SPEN: variants seen among roughly 807,000 people sequenced by gnomAD.
The protein encoded by SPEN is spen family transcriptional repressor.
A neutral mutation model predicts 269.9 loss-of-function variants in SPEN; 18 were observed. That is an observed-to-expected ratio of 0.07 (90% CI 0.05 to 0.10). SPEN has a LOEUF of 0.10. SPEN is among the 10% of genes least tolerant of loss of function. The pLI, the probability that SPEN is intolerant of heterozygous loss-of-function variation, is 1.00. For missense variants in SPEN, 3,822 were observed against 4,631.2 expected (o/e 0.83, Z 5.07); for synonymous variants, 1,726 against 1,765.7 (o/e 0.98, Z 0.56).
At chr1:15,910,712 A>ACATATAT (rs1250570480) in intron 4 of SPEN, among the ~76,000 whole-genome samples, 1 of 151,750 alleles carries the variant, frequency 6.6e-6, no homozygotes, top group Non-Finnish European at 1.5e-5. Flanking sequence ...ATATATCTAT[A>ACATATAT]ATATATAAGG....
At chr1:15,879,675 A>T (rs912022106) in intron 3 of SPEN, among the ~76,000 whole-genome samples, 2 of 147,912 alleles carry the variant, frequency 1.4e-5, no homozygotes, top group African/African-American at 2.5e-5. Context: ...CAGCAGACAA[A>T]TTTTTTTTTT....
At chr1:15,938,031 C>CA in intron 13 of SPEN, 25 bp downstream of exon 13, 1 of 1,571,738 alleles carries the variant, frequency 6.4e-7, no homozygotes, top group Non-Finnish European at 8.6e-7. Flanking sequence ...CCCAGGTGAG[C>CA]AACTGCCCCA....
intron 1 of SPEN, among the ~76,000 whole-genome samples, chr1:15,858,120 C>G (rs1263404560): frequency 6.6e-6 from 1 of 151,924 alleles, no homozygotes; most frequent in African/African-American, 2.4e-5. Flanking sequence ...GAGCAAGACT[C>G]CGTCTCAAAA....
rs1356634621 is a variant in SPEN, at chr1:15,909,375, T to C, written c.936T>C (p.Ser312=). Residue 312 remains serine, a synonymous_variant, in exon 4 of 15, where the codon TCT becomes TCC. Transcript: ENST00000375759. The stretch of plus-strand genomic sequence containing the variant: ...ATTCTCCAGCTCGATCAGTTCAGTC[T>C]GCAGCAGTCCCTGCACCCACTTCCC... The part of the protein sequence containing the change: ...SDDSPARSVQ[S]AAVPAPTSQL... 5.0e-6 allele frequency: 8 copies of C among 1,614,100 alleles called. No individual in the cohort carries two copies. The highest frequency in any genetic ancestry group is 5.9e-6 in the Non-Finnish European group (7 of 1,180,050).
Position 15,920,853 on chromosome 1 carries a change from G to A in SPEN, c.1636-17G>A. On this transcript the variant is annotated splice_polypyrimidine_tract_variant and intron_variant, in intron 8 of 14. Coordinates refer to ENST00000375759, the MANE Select transcript of SPEN (RefSeq NM_015001.3). ...TGGATGAGGCTCTTACTTGTTTTTT[G>A]TTTGTTTGTTTTACAGGTGGTGTTT... is the stretch of plus-strand genomic sequence containing the variant. The A allele has an allele frequency of 1.3e-6, 2 of 1,514,818 alleles. No homozygotes were observed. Among genetic ancestry groups the A allele is most frequent in the Non-Finnish European group, 1.8e-6 (2 of 1,111,586 alleles). 93.8% of individuals were successfully genotyped at this position (1,514,818 alleles called of 1,614,324 possible).
chr1:15,903,070 T>C (rs2070918851), intron 3 of SPEN, among the ~76,000 whole-genome samples: 1 of 152,218 alleles, frequency 6.6e-6, no homozygotes, highest in South Asian at 2.1e-4. Flanking sequence ...TTAACAAATA[T>C]ATCCCTGAGT....
intron 2 of SPEN, chr1:15,873,948 C>T (rs1049810150): frequency 1.7e-6 from 2 of 1,176,428 alleles, no homozygotes; most frequent in Non-Finnish European, 1.1e-6. Flanking sequence ...TAGCTTTGAA[C>T]ACATGGTGAT....
Position 15,932,232 on chromosome 1 carries a change from A to G in SPEN, c.5992A>G (p.Lys1998Glu). The G allele has an allele frequency of 6.2e-7, 1 of 1,611,174 alleles. No homozygotes were observed. The highest frequency in any genetic ancestry group is 8.5e-7 in the Non-Finnish European group (1 of 1,178,998). ...KTAAGGGPQGKKGKNEPKVDA... is the reference protein window; with the variant it reads ...KTAAGGGPQGEKGKNEPKVDA... ...TGCAGCTGGTGGTGGACCCCAAGGG[A>G]AAAAGGGAAAAAATGAACCGAAGGT... Residue 1998 changes from lysine to glutamate, a missense_variant, in exon 11 of 15, where the codon AAA (lysine) becomes GAA (glutamate). Coordinates refer to ENST00000375759, the MANE Select transcript of SPEN (RefSeq NM_015001.3). The surrounding 1 kb of genome is among the most constrained non-coding windows in gnomAD (Gnocchi z 4.2).
intron 1 of SPEN, among the ~76,000 whole-genome samples, chr1:15,851,061 A>T (rs1350921390): frequency 6.6e-6 from 1 of 152,174 alleles, no homozygotes; most frequent in Non-Finnish European, 1.5e-5. Flanking sequence ...AGCTTTGGGG[A>T]CAGCTTAGAG....
chr1:15,885,274 T>A (rs1263864506), intron 3 of SPEN, among the ~76,000 whole-genome samples: 2 of 152,196 alleles, frequency 1.3e-5, no homozygotes, highest in Non-Finnish European at 2.9e-5. Context: ...CAGCCCATTC[T>A]TTGATTTTAA....
Position 15,930,184 on chromosome 1 carries a change from G to C in SPEN, c.3944G>C (p.Ser1315Thr). Residue 1315 changes from serine (S) to threonine (T), a missense_variant, in exon 11 of 15, where the codon AGC becomes ACC. Coordinates refer to ENST00000375759, the MANE Select transcript of SPEN (RefSeq NM_015001.3). The surrounding 1 kb of genome is among the most constrained non-coding windows in gnomAD (Gnocchi z 5.3). ...TTAAAATTTAATCCTTATGATTCTAGCAGGAGAGAACAGATGGCAGATATG... is the reference window on the plus strand; with the variant it reads ...TTAAAATTTAATCCTTATGATTCTACCAGGAGAGAACAGATGGCAGATATG... ...ESLKFNPYDS[S>T]RREQMADMAK... is the part of the protein sequence containing the mutation. 1.2e-6 allele frequency: 2 copies of C among 1,614,140 alleles called. No homozygotes were observed. The highest frequency in any genetic ancestry group is 2.2e-5 in the South Asian group (2 of 91,084).
intron 1 of SPEN, among the ~76,000 whole-genome samples, chr1:15,869,106 G>T (rs769786206): frequency 6.6e-6 from 1 of 152,064 alleles, no homozygotes; most frequent in African/African-American, 2.4e-5. Context: ...GCCTAGGCTG[G>T]AGTGCAGTGG....
chr1:15,896,802 A>G (rs1270087738), intron 3 of SPEN, among the ~76,000 whole-genome samples: 1 of 152,176 alleles, frequency 6.6e-6, no homozygotes, highest in Non-Finnish European at 1.5e-5. Flanking sequence ...TCCTGTCTCT[A>G]CAAGTAATTT....
intron 6 of SPEN, chr1:15,918,016 AATT>A (rs1268187845): frequency 6.6e-6 from 1 of 152,068 alleles, no homozygotes; most frequent in Non-Finnish European, 1.5e-5. Flanking sequence ...TGATTTGTCA[AATT>A]ATTTTGGTTT....
chr1:15,928,111 A>G lies in SPEN; in HGVS notation c.1871A>G (p.Tyr624Cys), dbSNP rs1185400601. ...GGCAGAGAGGAACGAAGGGCATCCT[A>G]CGACTATAACCAAGATCGTACATAT... is the stretch of plus-strand genomic sequence containing the variant. ...AERREERRAS[Y>C]DYNQDRTYYE... The change falls in exon 11 of 15, where the codon TAC (tyrosine) becomes TGC (cysteine). Residue 624 changes from tyrosine (Y) to cysteine (C), a missense_variant. By Grantham distance (194) the Tyr-to-Cys change is radical. Coordinates refer to ENST00000375759, the MANE Select transcript of SPEN (RefSeq NM_015001.3). The surrounding 1 kb of genome is among the most constrained non-coding windows in gnomAD (Gnocchi z 5.7). 1.2e-6 allele frequency: 2 copies of G among 1,608,302 alleles called. No individual in the cohort carries two copies. Among genetic ancestry groups the G allele is most frequent in the African/African-American group, 2.7e-5 (2 of 74,766 alleles).
At chr1:15,854,700 C>T (rs772235976) in intron 1 of SPEN, among the ~76,000 whole-genome samples, 3 of 151,854 alleles carry the variant, frequency 2.0e-5, no homozygotes, top group South Asian at 2.1e-4. Context: ...AGGCTGGTCT[C>T]GAACTCTTAA....
At chr1:15,872,763 C>A in intron 1 of SPEN, 53 bp from the exon 2 acceptor site, 1 of 1,435,962 alleles carries the variant, frequency 7.0e-7, no homozygotes, top group South Asian at 1.6e-5. Context: ...TCTAAAAACT[C>A]ATTTTGGAAA....
At chr1:15,914,071 A>G (rs1400942188) in intron 5 of SPEN, among the ~76,000 whole-genome samples, 1 of 152,210 alleles carries the variant, frequency 6.6e-6, no homozygotes, top group Non-Finnish European at 1.5e-5. Context: ...AAAATGAGAT[A>G]TGTTCCTTTG....
chr1:15,879,615 A>G (rs921014460), intron 3 of SPEN, among the ~76,000 whole-genome samples: 4 of 152,078 alleles, frequency 2.6e-5, no homozygotes, highest in Non-Finnish European at 5.9e-5. Flanking sequence ...AGATGTATTC[A>G]TTTATATACC....
Sources: gnomAD v4.1 joint callset for allele counts (sites outside exome capture counted in the v4.1 genomes callset) on GRCh38, gnomAD v4.1.1 for gene constraint, Gnocchi (gnomAD v3.1) non-coding constraint, MANE v1.5 for transcripts, NCBI Gene and HGNC (gene_info 2026-07-23, HGNC 2026-07-21) for gene names.